The following SPAG17 variants were observed in gnomAD, a reference collection of about 807,000 sequenced individuals.
SPAG17 encodes the protein sperm associated antigen 17.
A neutral mutation model predicts 273.6 loss-of-function variants in SPAG17; 169 were observed. The ratio of observed to expected loss-of-function variants is 0.62; its 90% CI spans 0.55 to 0.70. SPAG17 has a LOEUF of 0.70. Among genes scored for constraint, SPAG17 ranks in the 30% least tolerant of loss-of-function variants. SPAG17 has a pLI of 0.00. For synonymous variants in SPAG17, 825 were observed against 873.2 expected, an observed-to-expected ratio of 0.94 and a Z score of 0.97; for missense variants, 2,557 against 2,627.8, an observed-to-expected ratio of 0.97 and a Z score of 0.59.
chr1:117,989,329 C>A (rs1656803898), intron 38 of SPAG17, among the ~76,000 whole-genome samples: 1 of 152,018 alleles, frequency 6.6e-6, no homozygotes, highest in African/African-American at 2.4e-5. Context: ...TAGGCTACTT[C>A]CACTCATGGA....
intron 13 of SPAG17, among the ~76,000 whole-genome samples, chr1:118,084,443 A>G (rs1654833364): frequency 1.3e-5 from 2 of 152,218 alleles, no homozygotes; most frequent in Admixed American, 1.3e-4. Flanking sequence ...TATAGGTAGT[A>G]TCTACATATT....
At chr1:118,065,497 A>G (rs1162878657) in intron 18 of SPAG17, among the ~76,000 whole-genome samples, 3 of 152,196 alleles carry the variant, frequency 2.0e-5, no homozygotes, top group African/African-American at 4.8e-5. Context: ...AAATAGGAAT[A>G]TTTAAAGCAA....
At chr1:118,065,570 G>A (rs1652865834) in intron 18 of SPAG17, among the ~76,000 whole-genome samples, 1 of 152,022 alleles carries the variant, frequency 6.6e-6, no homozygotes, top group Admixed American at 6.6e-5. Context: ...CAATACATTA[G>A]CAAAGCAAAT....
chr1:118,054,809 T>C (rs1481641488), intron 19 of SPAG17, among the ~76,000 whole-genome samples: 2 of 152,056 alleles, frequency 1.3e-5, no homozygotes, highest in African/African-American at 4.8e-5. Context: ...TACAACCATT[T>C]TGGTCAATAT....
chr1:118,120,951 T>G (rs977376596), intron 3 of SPAG17, among the ~76,000 whole-genome samples: 1 of 152,224 alleles, frequency 6.6e-6, no homozygotes, highest in African/African-American at 2.4e-5. Context: ...TGAAGTATTT[T>G]CGAGCAATAA....
At position 118,012,293 on chromosome 1, in the gene SPAG17, G is replaced by A. The variant is rs1181564468; in HGVS notation, c.4367C>T (p.Thr1456Ile). The A allele has an allele frequency of 1.2e-5, 19 of 1,613,480 alleles. No individual in the cohort carries two copies. The highest frequency in any genetic ancestry group is 1.4e-5 in the Non-Finnish European group (17 of 1,179,724). ...GTRIVDHADGTRITTFYQVYE... is the reference protein window; with the variant it reads ...GTRIVDHADGIRITTFYQVYE... ...AACTTGATAAAAGGTTGTGATTCTGGTACCATCAGCATGATCCACTATCCG... is the reference window on the plus strand; with the variant it reads ...AACTTGATAAAAGGTTGTGATTCTGATACCATCAGCATGATCCACTATCCG... Residue 1456 changes from threonine (T) to isoleucine (I), a missense_variant, in exon 30 of 49, where the codon ACC becomes ATC. By Grantham distance (89) the Thr-to-Ile change is moderately conservative. Transcript: ENST00000336338.
At chr1:118,055,678 G>A in intron 19 of SPAG17, 55 bp downstream of exon 19, 5 of 1,366,856 alleles carry the variant, frequency 3.7e-6, no homozygotes, top group South Asian at 1.3e-5. Context: ...TAAATTAAGA[G>A]AGAGAAGAAC....
At chr1:117,971,621 T>A (rs910685135) in intron 45 of SPAG17, among the ~76,000 whole-genome samples, 10 of 151,078 alleles carry the variant, frequency 6.6e-5, no homozygotes, top group African/African-American at 2.0e-4. Context: ...TACCAAAGTA[T>A]GAATAATGAT....
At chr1:117,984,634 C>A in intron 41 of SPAG17, 49 bp downstream of exon 41, 1 of 1,251,624 alleles carries the variant, frequency 8.0e-7, no homozygotes, top group Non-Finnish European at 1.1e-6. Context: ...TGCAATATAC[C>A]AAATTTATAA....
At chr1:118,091,349 A>G (rs1264057701) in intron 10 of SPAG17, among the ~76,000 whole-genome samples, 2 of 152,202 alleles carry the variant, frequency 1.3e-5, no homozygotes, top group African/African-American at 4.8e-5. Context: ...ATGACACCAG[A>G]CACAGAGTAT....
chr1:118,091,165 C>T lies in SPAG17; in HGVS notation c.1359+441G>A, dbSNP rs554870644. 4.1e-4 allele frequency among the ~76,000 whole-genome samples: 62 copies of T among 152,124 alleles called. 1 individual carries two copies. The highest frequency in any genetic ancestry group is 1.4e-3 in the African/African-American group (58 of 41,484). ...GCACATTGTATCAGATTTAAAACTC[C>T]AATAAAATACTTATTAAGACATATT... On this transcript the variant is annotated intron_variant, in intron 10 of 48. Transcript: ENST00000336338.
rs1360987735 is a variant in SPAG17, at chr1:117,971,846, T to C, written c.6326+17A>G. On this transcript the variant is annotated intron_variant, in intron 45 of 48. Transcript: ENST00000336338. ...GGGAAAGGTAACCTGAGCAGACCTT[T>C]GGTCCCTTGGCCTCACCTGCAGAAG... is the stretch of plus-strand genomic sequence containing the variant. 6.2e-7 allele frequency: 1 copy of C among 1,606,756 alleles called. No individual in the cohort carries two copies. The highest frequency in any genetic ancestry group is 8.5e-7 in the Non-Finnish European group (1 of 1,176,246).
chr1:118,181,715 A>G (rs1201865220), intron 1 of SPAG17, among the ~76,000 whole-genome samples: 1 of 152,208 alleles, frequency 6.6e-6, no homozygotes, highest in Non-Finnish European at 1.5e-5. Context: ...ATAAATAAAT[A>G]AAAAATAAAA....
chr1:118,177,660 A>G (rs1660757222), intron 1 of SPAG17, among the ~76,000 whole-genome samples: 1 of 152,222 alleles, frequency 6.6e-6, no homozygotes, highest in Non-Finnish European at 1.5e-5. Flanking sequence ...AAGATAAACA[A>G]ATTGTCAAAT....
intron 29 of SPAG17, among the ~76,000 whole-genome samples, chr1:118,012,778 A>G (rs1440346807): frequency 6.6e-6 from 1 of 152,202 alleles, no homozygotes; most frequent in Non-Finnish European, 1.5e-5. Context: ...TGCTCTGCAG[A>G]ACTTCCCCAG....
chr1:118,056,014 TATA>T lies in SPAG17; in HGVS notation c.2541-103_2541-101del, dbSNP rs959804778. ...ATAAACTTTTTGCTCATGTCAAAAA[TATA>T]ATGAGTTTGAATACATCCTAGATGT... On this transcript the variant is annotated intron_variant, in intron 18 of 48. Coordinates refer to ENST00000336338, the MANE Select transcript of SPAG17 (RefSeq NM_206996.4). 21 of 941,236 alleles carry T rather than the reference TATA, an allele frequency of 2.2e-5. 1 individual carries two copies. Among genetic ancestry groups the T allele is most frequent in the Middle Eastern group, 6.8e-4 (2 of 2,930 alleles). The allele number at this position is 941,236 out of a possible 1,614,324, so 58.3% of individuals were successfully genotyped here. A position where few individuals can be genotyped will look rare whatever the true frequency, so the allele number is the denominator to read the frequency against.
At chr1:118,096,377 C>T (rs968861762) in intron 7 of SPAG17, among the ~76,000 whole-genome samples, 3 of 150,716 alleles carry the variant, frequency 2.0e-5, no homozygotes, top group Non-Finnish European at 3.0e-5. Flanking sequence ...TTGTCAGCTA[C>T]CCACAGTCAC....
chr1:117,954,416 C>G (rs1178563781), intron 48 of SPAG17, among the ~76,000 whole-genome samples: 3 of 152,036 alleles, frequency 2.0e-5, no homozygotes, highest in Non-Finnish European at 4.4e-5. Context: ...TTCATGAGTA[C>G]TATAGAAACT....
chr1:118,059,862 A>G (rs549300238), intron 18 of SPAG17, among the ~76,000 whole-genome samples: 4 of 152,248 alleles, frequency 2.6e-5, no homozygotes, highest in Admixed American at 2.6e-4. Flanking sequence ...CAGGCAGAGT[A>G]TAGTTGGATA....
Sources: allele counts gnomAD v4.1 joint callset (sites outside exome capture counted in the v4.1 genomes callset), GRCh38; gene constraint gnomAD v4.1.1; transcripts MANE v1.5; gene names NCBI Gene and HGNC (gene_info 2026-07-23, HGNC 2026-07-21).